The following RASA2 variants were observed in gnomAD, a reference collection of about 807,000 sequenced individuals.
The protein encoded by RASA2 is ras GTPase-activating protein 2.
Under a neutral mutation model 118.2 loss-of-function variants are expected in RASA2, and 155 were observed. The ratio of observed to expected loss-of-function variants is 1.31; its 90% confidence interval spans 1.15 to 1.50. The LOEUF (loss-of-function observed/expected upper bound fraction) is 1.50. Ranked by LOEUF, RASA2 falls within the 40% of genes most tolerant of loss-of-function variation. The probability of loss-of-function intolerance (pLI) is 0.00; values close to 1 mark genes in which losing one functional copy is unlikely to be tolerated. For synonymous variants in RASA2, 353 were observed against 349.1 expected (o/e 1.01, Z -0.12); for missense variants, 1,016 against 1,009.6 (o/e 1.01, Z -0.09).
chr3:141,529,907 T>C, intron 4 of RASA2, 105 bp downstream of exon 4: 1 of 823,504 alleles, frequency 1.2e-6, no homozygotes, highest in Admixed American at 2.6e-5. Context: ...TACCTTATTT[T>C]AAATTCTAGC....
chr3:141,573,139 T>C lies in RASA2; in HGVS notation c.1285-8T>C. The C allele has an allele frequency of 6.4e-7, 1 of 1,553,586 alleles. No homozygotes were observed. Among genetic ancestry groups the C allele is most frequent in the Non-Finnish European group, 8.6e-7 (1 of 1,158,836 alleles). On this transcript the variant is annotated splice_polypyrimidine_tract_variant and splice_region_variant and intron_variant, in intron 12 of 23. Transcript: ENST00000286364. ...AAAAAATCATTAACTGAAAAATTTA[T>C]TTTTCAGATATGTGACTCCTCAAAA...
rs1311776837 is a variant in RASA2 at position 141,540,622 on chromosome 3, T to A, written c.527+13T>A. On this transcript the variant is annotated intron_variant, in intron 5 of 23. Coordinates refer to ENST00000286364, the MANE Select transcript of RASA2 (RefSeq NM_006506.5). ...AGCTTGTTGTACAGTAAGCATTTTT[T>A]TTAACCAAAATCAACTAGAAATAAT... 1.3e-6 allele frequency: 2 copies of A among 1,590,186 alleles called. No individual in the cohort carries two copies. The highest frequency in any genetic ancestry group is 1.7e-5 in the Admixed American group (1 of 58,874).
rs181053614 is a variant in RASA2 at position 141,563,317 on chromosome 3, C to T, written c.863+3322C>T. On this transcript the variant is annotated intron_variant, in intron 9 of 23. Coordinates refer to ENST00000286364, the MANE Select transcript of RASA2 (RefSeq NM_006506.5). ...ATATGAGTTTTTTGTTTTGTTTTCA[C>T]TTAGAAATGCCAGATAGTCCTGAAC... Among the ~76,000 whole-genome samples, 10 of 152,170 alleles carry T rather than the reference C, an allele frequency of 6.6e-5. No homozygotes were observed. The East Asian group carries it at 1.9e-3, about 29-fold the overall frequency.
chr3:141,601,442 CAAAAAAAAAG>C (rs1168922688), intron 19 of RASA2, among the ~76,000 whole-genome samples: 7 of 143,696 alleles, frequency 4.9e-5, no homozygotes, highest in Admixed American at 2.1e-4. Flanking sequence ...CCACTGTCTC[CAAAAAAAAAG>C]AAAAAAAAAA....
intron 19 of RASA2, among the ~76,000 whole-genome samples, chr3:141,605,957 G>A (rs1409681283): frequency 1.3e-5 from 2 of 152,134 alleles, no homozygotes; most frequent in Non-Finnish European, 2.9e-5. Flanking sequence ...ACATTGCACT[G>A]CTCTGCAGCC....
At chr3:141,608,863 G>A (rs576415663) in intron 21 of RASA2, among the ~76,000 whole-genome samples, 166 bp downstream of exon 21, 45 of 152,304 alleles carry the variant, frequency 3.0e-4, no homozygotes, top group African/African-American at 9.9e-4. Flanking sequence ...TAAAGGCCAC[G>A]TATTATCTGA....
chr3:141,487,281 G>C, intron 1 of RASA2, 65 bp downstream of exon 1: 1 of 1,217,790 alleles, frequency 8.2e-7, no homozygotes, highest in Non-Finnish European at 1.0e-6. Context: ...GGGGGCGGCG[G>C]GTTCGCGGCG....
At chr3:141,571,273 AAAATTTCG>A (rs1488247217) in intron 10 of RASA2, 125 bp from the exon 11 acceptor site, 36 of 1,349,156 alleles carry the variant, frequency 2.7e-5, no homozygotes, top group Non-Finnish European at 3.6e-5. Flanking sequence ...TCTCTGATAA[AAAATTTCG>A]AAAATTAAAT....
At chr3:141,553,517 T>TTCCTTGGAGCATC in intron 5 of RASA2, among the ~76,000 whole-genome samples, 1 of 152,180 alleles carries the variant, frequency 6.6e-6, no homozygotes, top group South Asian at 2.1e-4. Context: ...CAGTGAGCAT[T>TTCCTTGGAGCATC]TCCTTGGAGC....
intron 1 of RASA2, among the ~76,000 whole-genome samples, chr3:141,487,898 C>T (rs577098937): frequency 8.4e-4 from 128 of 152,224 alleles, no homozygotes; most frequent in African/African-American, 2.9e-3. Flanking sequence ...GGACTTGAAT[C>T]GAGGGACGGC....
intron 19 of RASA2, among the ~76,000 whole-genome samples, chr3:141,591,093 TTC>T (rs929330380): frequency 5.6e-4 from 85 of 152,280 alleles, no homozygotes; most frequent in Admixed American, 2.0e-3. Context: ...CAAGTAAAAG[TTC>T]TCTTAGTTAT....
At chr3:141,522,528 G>A (rs114311433) in intron 3 of RASA2, among the ~76,000 whole-genome samples, 3,243 of 152,230 alleles carry the variant, frequency 0.021, 50 homozygotes, top group Non-Finnish European at 0.032. Flanking sequence ...CTGAGAAGAC[G>A]CTGATCTTCC....
In RASA2 at chr3:141,614,696, T is replaced by C. The variant is rs2083701493; in HGVS notation, c.*2383T>C. On this transcript the variant is annotated 3_prime_UTR_variant, in exon 24 of 24. Transcript: ENST00000286364. ...GTGTGATCTGTTGCTTGTTTCGTTG[T>C]TGTTTTGTTTTTGTGTAGCTTTGTT... is the stretch of plus-strand genomic sequence containing the variant. 1 of 152,238 alleles carries C rather than the reference T, an allele frequency of 6.6e-6. No homozygotes were observed. The highest frequency in any genetic ancestry group is 2.4e-5 in the African/African-American group (1 of 41,482). 9.4% of individuals were successfully genotyped at this position (152,238 alleles called of 1,614,324 possible).
chr3:141,534,371 TA>T (rs950418190), intron 4 of RASA2, among the ~76,000 whole-genome samples: 25 of 152,058 alleles, frequency 1.6e-4, no homozygotes, highest in Admixed American at 2.6e-4. Flanking sequence ...CCCATCTTTA[TA>T]GGGGGGGGAA....
intron 5 of RASA2, among the ~76,000 whole-genome samples, chr3:141,545,125 T>G (rs2151106393): frequency 6.6e-6 from 1 of 152,266 alleles, no homozygotes; most frequent in South Asian, 2.1e-4. Flanking sequence ...CCTGCACATG[T>G]ACCCCTGAAC....
At chr3:141,577,231 G>C (rs1299609402) in intron 15 of RASA2, 125 bp downstream of exon 15, 1 of 699,378 alleles carries the variant, frequency 1.4e-6, no homozygotes, top group Non-Finnish European at 2.2e-6. Context: ...AATTTACTCA[G>C]CATTTTTCTT....
At chr3:141,523,455 A>T (rs995657377) in intron 3 of RASA2, among the ~76,000 whole-genome samples, 25 of 152,162 alleles carry the variant, frequency 1.6e-4, no homozygotes, top group African/African-American at 5.8e-4. Context: ...TCCTCTTCCC[A>T]GAGGTAATAA....
chr3:141,583,938 A>G (rs563657439), intron 17 of RASA2, among the ~76,000 whole-genome samples: 1 of 152,342 alleles, frequency 6.6e-6, no homozygotes, highest in East Asian at 1.9e-4. Context: ...AAATAAATGG[A>G]TAGCTCATTT....
intron 19 of RASA2, chr3:141,600,179 C>T (rs1277457306): frequency 6.0e-6 from 2 of 333,044 alleles, no homozygotes; most frequent in Non-Finnish European, 1.2e-5. Context: ...GAATCGGTTT[C>T]TTTGCTATAG....
Sources: gnomAD v4.1 joint callset for allele counts (sites outside exome capture counted in the v4.1 genomes callset) on GRCh38, gnomAD v4.1.1 for gene constraint, MANE v1.5 for transcripts, NCBI Gene and HGNC (gene_info 2026-07-23, HGNC 2026-07-21) for gene names.